Variants in ABCA10 observed in about 807,000 individuals in gnomAD.
ABCA10 encodes ATP binding cassette subfamily A member 10.
ABCA10 carries 169 observed loss-of-function variants against 187.5 expected under a neutral mutation model. The ratio of observed to expected loss-of-function variants is 0.90; its 90% confidence interval spans 0.80 to 1.02. The LOEUF (loss-of-function observed/expected upper bound fraction) is 1.02, where lower values mean the gene tolerates loss of function less well. ABCA10 is among the 50% of genes least tolerant of loss of function. The pLI, the probability that ABCA10 is intolerant of heterozygous loss-of-function variation, is 0.00. For synonymous variants in ABCA10, 574 were observed against 601.8 expected (o/e 0.95, Z 0.68); for missense variants, 1,727 against 1,812.4 (o/e 0.95, Z 0.86).
chr17:69,149,071 G>T lies in ABCA10; in HGVS notation c.4495C>A (p.Leu1499Met). ...KLEAMKQTFN[L>M]EEYSLSQATL... ...GCCTGAGAGAGGCTGTATTCCTCCA[G>T]GTTGAAGGTCTGTTTCACTGCATGT... The change falls in exon 38 of 39, where the codon CTG becomes ATG. Residue 1499 changes from leucine to methionine, a missense_variant. Transcript: ENST00000690296. 6 of 1,613,968 alleles carry T rather than the reference G, an allele frequency of 3.7e-6. No individual in the cohort carries two copies. The highest frequency in any genetic ancestry group is 5.1e-6 in the Non-Finnish European group (6 of 1,179,880).
At chr17:69,186,091 G>A (rs528258041) in intron 19 of ABCA10, among the ~76,000 whole-genome samples, 5 of 152,036 alleles carry the variant, frequency 3.3e-5, no homozygotes, top group Non-Finnish European at 7.4e-5. Context: ...TTAATTTTCA[G>A]GAAACTAAAT....
intron 10 of ABCA10, among the ~76,000 whole-genome samples, chr17:69,197,462 A>C (rs541265157): frequency 1.3e-5 from 2 of 152,288 alleles, no homozygotes; most frequent in South Asian, 2.1e-4. Flanking sequence ...AATCCCTCTC[A>C]ATCATTATCT....
At chr17:69,170,240 A>G (rs1035956773) in intron 25 of ABCA10, among the ~76,000 whole-genome samples, 3 of 151,466 alleles carry the variant, frequency 2.0e-5, no homozygotes, top group African/African-American at 4.9e-5. Flanking sequence ...GTGAGCCAAG[A>G]TCGCCCCACT....
intron 8 of ABCA10, chr17:69,215,512 C>T (rs756280423): frequency 3.3e-5 from 7 of 212,560 alleles, no homozygotes; most frequent in Admixed American, 1.8e-4. Flanking sequence ...TGGCTTCACT[C>T]GTTATTCATA....
intron 6 of ABCA10, among the ~76,000 whole-genome samples, chr17:69,217,271 A>G (rs981486018): frequency 6.6e-6 from 1 of 151,950 alleles, no homozygotes. Flanking sequence ...AAAAAAAGGT[A>G]TCATGATGAT....
Position 69,174,670 on chromosome 17 carries a change from T to C in ABCA10, c.2985A>G (p.Ile995Met). The change falls in exon 24 of 39, where the codon ATA (isoleucine) becomes ATG (methionine). Residue 995 changes from isoleucine (I) to methionine (M), a missense_variant. Transcript: ENST00000690296. ...IPLYFLILFS[I>M]HLIYYFIFLG... ...GAAATATGAAGTAGTAAATTAAATG[T>C]ATTGAAAAGAGAATCAAGAAGTATA... 9 of 1,612,084 alleles carry C rather than the reference T, an allele frequency of 5.6e-6. No individual in the cohort carries two copies. The highest frequency in any genetic ancestry group is 6.8e-6 in the Non-Finnish European group (8 of 1,178,748).
intron 9 of ABCA10, among the ~76,000 whole-genome samples, chr17:69,213,175 G>A (rs569538428): frequency 6.6e-6 from 1 of 152,246 alleles, no homozygotes; most frequent in East Asian, 1.9e-4. Flanking sequence ...ACCAGGAGGT[G>A]GAACTTTCAA....
At chr17:69,221,398 AG>A (rs1285872196) in intron 5 of ABCA10, among the ~76,000 whole-genome samples, 1 of 152,216 alleles carries the variant, frequency 6.6e-6, no homozygotes, top group Non-Finnish European at 1.5e-5. Flanking sequence ...AAGTGGATAA[AG>A]GAAGGTCTTG....
intron 22 of ABCA10, among the ~76,000 whole-genome samples, chr17:69,181,465 G>A (rs988201118): frequency 2.6e-5 from 4 of 151,812 alleles, no homozygotes; most frequent in African/African-American, 9.7e-5. Context: ...GTGTTGGACT[G>A]TGATTCTTAA....
At position 69,153,873 on chromosome 17, in the gene ABCA10, A is replaced by G; in HGVS notation, c.3923T>C (p.Val1308Ala). The G allele has an allele frequency of 6.2e-7, 1 of 1,614,032 alleles. No homozygotes were observed. The highest frequency in any genetic ancestry group is 8.5e-7 in the Non-Finnish European group (1 of 1,179,944). The change falls in exon 32 of 39, where the codon GTG (valine) becomes GCG (alanine). Residue 1308 changes from valine (V) to alanine (A), a missense_variant. Coordinates refer to ENST00000690296, the MANE Select transcript of ABCA10 (RefSeq NM_001377321.1). Reference sequence around the variant, plus strand: ...AGCATCTTCTTTGCCCAGTCCTTTCACAGCTGCATACAACTCCAAGTGCTC... The same window carrying G: ...AGCATCTTCTTTGCCCAGTCCTTTCGCAGCTGCATACAACTCCAAGTGCTC... ...MKEHLELYAA[V>A]KGLGKEDAAL...
chr17:69,155,258 T>C, intron 29 of ABCA10, 122 bp from the exon 30 acceptor site: 1 of 688,330 alleles, frequency 1.5e-6, no homozygotes, highest in Non-Finnish European at 2.4e-6. Context: ...TGAAGAGCTT[T>C]AGCCTCTTTT....
intron 27 of ABCA10, among the ~76,000 whole-genome samples, chr17:69,161,801 G>A (rs2074220594): frequency 6.6e-6 from 1 of 152,174 alleles, no homozygotes; most frequent in Non-Finnish European, 1.5e-5. Context: ...AACATCAAGT[G>A]TATGGAGAAG....
intron 1 of ABCA10, among the ~76,000 whole-genome samples, chr17:69,238,812 T>C (rs1208204396): frequency 1.3e-5 from 2 of 152,198 alleles, no homozygotes; most frequent in African/African-American, 4.8e-5. Context: ...CTGGCTCAGA[T>C]CCAGAAACCA....
intron 9 of ABCA10, among the ~76,000 whole-genome samples, chr17:69,202,804 G>C (rs148968111): frequency 7.8e-4 from 118 of 152,160 alleles, no homozygotes; most frequent in African/African-American, 2.6e-3. Flanking sequence ...GAGAATACAA[G>C]TGCAGATCTA....
At chr17:69,222,010 G>A in intron 4 of ABCA10, 115 bp from the exon 5 acceptor site, 1 of 752,780 alleles carries the variant, frequency 1.3e-6, no homozygotes, top group Non-Finnish European at 2.1e-6. Context: ...CAAAGCCTAT[G>A]ATTATATGAT....
In ABCA10 at chr17:69,227,215, C is replaced by T. The variant is rs1483047079; in HGVS notation, c.-242G>A. On this transcript the variant is annotated 5_prime_UTR_variant, in exon 2 of 39. Coordinates refer to ENST00000690296, the MANE Select transcript of ABCA10 (RefSeq NM_001377321.1). ...ACAGAAGAGCCTGAATTTGTTGACGCACGCTTATCTCTTTTTTAACCATTT... is the reference window on the plus strand; with the variant it reads ...ACAGAAGAGCCTGAATTTGTTGACGTACGCTTATCTCTTTTTTAACCATTT... 2 of 150,072 alleles carry T rather than the reference C, an allele frequency of 1.3e-5. No individual in the cohort carries two copies. Among genetic ancestry groups the T allele is most frequent in the Non-Finnish European group, 3.0e-5 (2 of 67,352 alleles). 9.3% of individuals were successfully genotyped at this position (150,072 alleles called of 1,614,324 possible).
At chr17:69,228,249 G>A (rs753522970) in intron 1 of ABCA10, among the ~76,000 whole-genome samples, 2 of 151,828 alleles carry the variant, frequency 1.3e-5, no homozygotes, top group Non-Finnish European at 1.5e-5. Context: ...CAGAAAAAAG[G>A]AACTTGCCCT....
intron 22 of ABCA10, among the ~76,000 whole-genome samples, chr17:69,181,536 C>T (rs1271279340): frequency 6.6e-6 from 1 of 151,754 alleles, no homozygotes; most frequent in Non-Finnish European, 1.5e-5. Context: ...CTACAGCATA[C>T]CAAGTGGTAA....
At chr17:69,151,302 T>C (rs1201781662) in intron 36 of ABCA10, among the ~76,000 whole-genome samples, 1 of 152,216 alleles carries the variant, frequency 6.6e-6, no homozygotes, top group Non-Finnish European at 1.5e-5. Flanking sequence ...CTTAAAGTCC[T>C]ACCTCAATGT....
Sources: gnomAD v4.1 joint callset for allele counts (sites outside exome capture counted in the v4.1 genomes callset) on GRCh38, gnomAD v4.1.1 for gene constraint, MANE v1.5 for transcripts, NCBI Gene and HGNC (gene_info 2026-07-23, HGNC 2026-07-21) for gene names.